Variants in SV2C observed in about 807,000 individuals in gnomAD.
The protein encoded by SV2C is solute carrier family 22 member B3.
In SV2C, 49 loss-of-function variants were observed where a neutral mutation model predicts 79.7. That is an observed-to-expected ratio of 0.61 (90% CI 0.49 to 0.78). The LOEUF is 0.78. SV2C is among the 30% of genes least tolerant of loss of function. The pLI is 0.00. For missense variants in SV2C, 833 were observed against 912.9 expected (o/e 0.91, Z 1.13); for synonymous variants, 334 against 333.2 (o/e 1.00, Z -0.03).
chr5:76,048,393 A>T, the SV2C span, among the ~76,000 whole-genome samples: 1 of 152,320 alleles, frequency 6.6e-6, no homozygotes, highest in Admixed American at 6.5e-5. Flanking sequence ...CCCTCAACAG[A>T]TTAGGTGATG....
rs1325217576 is a variant in SV2C at position 76,300,833 on chromosome 5, T to C, written c.1741T>C (p.Trp581Arg). 1 of 1,614,188 alleles carries C rather than the reference T, an allele frequency of 6.2e-7. No individual in the cohort carries two copies. Reference sequence around the variant, plus strand: ...CTTTGATGATGACTATAGTGCCTACTGGATTTATTTTGTCAACTTTCTGGG... The same window carrying C: ...CTTTGATGATGACTATAGTGCCTACCGGATTTATTTTGTCAACTTTCTGGG... ...ITFDDDYSAY[W>R]IYFVNFLGTL... is the part of the protein sequence containing the mutation. Residue 581 changes from tryptophan to arginine, a missense_variant, in exon 11 of 13, where the codon TGG becomes CGG. Transcript: ENST00000502798.
chr5:75,852,327 G>T, the SV2C span, among the ~76,000 whole-genome samples: 1 of 151,954 alleles, frequency 6.6e-6, no homozygotes, highest in African/African-American at 2.4e-5. Flanking sequence ...AATTTAAAAA[G>T]TCAATTTACC....
At chr5:76,084,310 C>T (rs1294001561) in intron 1 of SV2C, 1 of 152,260 alleles carries the variant, frequency 6.6e-6, no homozygotes, top group Non-Finnish European at 1.5e-5. Context: ...AATAAGCTAC[C>T]GAGGTAATCT....
At chr5:75,863,541 A>C in the SV2C span, among the ~76,000 whole-genome samples, 25 of 152,308 alleles carry the variant, frequency 1.6e-4, no homozygotes, top group African/African-American at 5.8e-4. Flanking sequence ...CTGATTATCC[A>C]TGTGGAACAA....
chr5:75,917,668 G>A, the SV2C span, among the ~76,000 whole-genome samples: 2 of 152,180 alleles, frequency 1.3e-5, no homozygotes, highest in African/African-American at 2.4e-5. Context: ...CAGAGGCTAG[G>A]AAGGGTAGTG....
chr5:75,867,895 AG>A, the SV2C span, among the ~76,000 whole-genome samples: 1 of 152,244 alleles, frequency 6.6e-6, no homozygotes, highest in African/African-American at 2.4e-5. Context: ...ACTATGTGCC[AG>A]GCACATGCTA....
chr5:75,956,423 C>T, the SV2C span, among the ~76,000 whole-genome samples: 15 of 149,330 alleles, frequency 1.0e-4, no homozygotes, highest in Middle Eastern at 3.4e-3. Flanking sequence ...GGAGGGATGG[C>T]ATTGGGAGAT....
Position 76,300,777 on chromosome 5 carries a change from T to C in SV2C, c.1685T>C (p.Phe562Ser). ...GACAGTGAATTTAAAAACTGCTCGTTTTTTCACAACAAGACGGGATGTCAG... is the reference window on the plus strand; with the variant it reads ...GACAGTGAATTTAAAAACTGCTCGTCTTTTCACAACAAGACGGGATGTCAG... Reference protein sequence around the residue: ...FIDSEFKNCSFFHNKTGCQIT... With the variant: ...FIDSEFKNCSSFHNKTGCQIT... The change falls in exon 11 of 13, where the codon TTT becomes TCT. Residue 562 changes from phenylalanine to serine, a missense_variant. Physicochemically the swap from Phe to Ser is radical, Grantham distance 155 (BLOSUM62 -2). Transcript: ENST00000502798. 1 of 1,614,160 alleles carries C rather than the reference T, an allele frequency of 6.2e-7. No individual in the cohort carries two copies. Among genetic ancestry groups the C allele is most frequent in the Non-Finnish European group, 8.5e-7 (1 of 1,179,978 alleles).
chr5:76,284,386 T>G (rs1443038393), intron 4 of SV2C, among the ~76,000 whole-genome samples: 1 of 152,168 alleles, frequency 6.6e-6, no homozygotes. Flanking sequence ...CAACCGCCAA[T>G]TCCTAATAAT....
At chr5:76,165,278 T>C (rs13168590) in intron 2 of SV2C, among the ~76,000 whole-genome samples, 15,925 of 152,226 alleles carry the variant, frequency 0.1, 953 homozygotes, top group Non-Finnish European at 0.13. Flanking sequence ...AACCAGGAAA[T>C]TGACATTGGT....
At chr5:75,904,953 A>G in the SV2C span, among the ~76,000 whole-genome samples, 1 of 152,206 alleles carries the variant, frequency 6.6e-6, no homozygotes. Context: ...TTCAAGTCCT[A>G]TTTCTTACTG....
Position 76,325,346 on chromosome 5 carries a change from T to C in SV2C, c.2001-18T>C, listed in dbSNP as rs1280865373. 115 of 1,613,084 alleles carry C rather than the reference T, an allele frequency of 7.1e-5. No homozygotes were observed. Among genetic ancestry groups the C allele is most frequent in the Non-Finnish European group, 9.5e-5 (112 of 1,179,466 alleles). On this transcript the variant is annotated intron_variant, in intron 12 of 12. Coordinates refer to ENST00000502798, the MANE Select transcript of SV2C (RefSeq NM_014979.4). ...GGAGGCATTTTCTCAACCTTGTTCATGTCTCTTTCCTTTGCAGGGCAACAG... is the reference window on the plus strand; with the variant it reads ...GGAGGCATTTTCTCAACCTTGTTCACGTCTCTTTCCTTTGCAGGGCAACAG...
the SV2C span, chr5:75,911,778 C>G: frequency 3.4e-6 from 2 of 594,514 alleles, 1 homozygote; most frequent in South Asian, 2.8e-5. Flanking sequence ...AGGGCCAAGA[C>G]CAGCTTTAAG....
chr5:76,162,322 A>G (rs536030086), intron 2 of SV2C, among the ~76,000 whole-genome samples: 92 of 152,210 alleles, frequency 6.0e-4, no homozygotes, highest in Non-Finnish European at 9.1e-4. Context: ...TATTGTTCTG[A>G]TCTTTATGTT....
chr5:75,929,020 C>T, the SV2C span, among the ~76,000 whole-genome samples: 1 of 152,148 alleles, frequency 6.6e-6, no homozygotes, highest in Non-Finnish European at 1.5e-5. Flanking sequence ...CTTATCTCTG[C>T]CATTTTGCAC....
chr5:75,891,436 G>T, the SV2C span, among the ~76,000 whole-genome samples: 3 of 152,190 alleles, frequency 2.0e-5, no homozygotes, highest in East Asian at 5.8e-4. Flanking sequence ...TTTGAGGAAA[G>T]GGCTTAATAT....
chr5:75,959,938 A>G, the SV2C span, among the ~76,000 whole-genome samples: 1 of 152,150 alleles, frequency 6.6e-6, no homozygotes, highest in Admixed American at 6.6e-5. Flanking sequence ...ATTTGTAGTA[A>G]TGTTTCTACT....
intron 4 of SV2C, among the ~76,000 whole-genome samples, chr5:76,272,446 G>A (rs943280955): frequency 3.3e-5 from 5 of 152,192 alleles, no homozygotes; most frequent in Admixed American, 3.3e-4. Flanking sequence ...CAGTTGTTTG[G>A]AATACTATTG....
At chr5:75,929,432 A>T in the SV2C span, among the ~76,000 whole-genome samples, 1 of 151,870 alleles carries the variant, frequency 6.6e-6, no homozygotes, top group Non-Finnish European at 1.5e-5. Context: ...GGGGGAACTT[A>T]TCTGGCCTCT....
Sources: allele counts gnomAD v4.1 joint callset (sites outside exome capture counted in the v4.1 genomes callset), GRCh38; gene constraint gnomAD v4.1.1; transcripts MANE v1.5; gene names NCBI Gene and HGNC (gene_info 2026-07-23, HGNC 2026-07-21).